The following CFAP58 variants were observed in gnomAD, a reference collection of about 807,000 sequenced individuals.
CFAP58 encodes the protein cilia- and flagella-associated protein 58.
CFAP58 carries 88 observed loss-of-function variants against 119.5 expected under a neutral mutation model. The observed-to-expected ratio is 0.74, with a 90% CI of 0.62 to 0.88. The LOEUF (loss-of-function observed/expected upper bound fraction) is 0.88. CFAP58 is among the 40% of genes least tolerant of loss of function. The probability of loss-of-function intolerance (pLI) is 0.00; values close to 1 mark genes in which losing one functional copy is unlikely to be tolerated. For missense variants in CFAP58, 990 were observed against 1,021.2 expected (o/e 0.97, Z 0.42); for synonymous variants, 365 against 366.3 (o/e 1.00, Z 0.04).
chr10:104,416,569 C>G (rs886253337), intron 15 of CFAP58, among the ~76,000 whole-genome samples: 1 of 152,034 alleles, frequency 6.6e-6, no homozygotes, highest in African/African-American at 2.4e-5. Flanking sequence ...GCAGAGGGAA[C>G]AAACCTCATA....
rs111430691 is a variant in CFAP58 at position 104,403,214 on chromosome 10, C to T, written c.2040-515C>T. The stretch of plus-strand genomic sequence containing the variant: ...GTAGTGATGTAGTGAATAAGTCTCA[C>T]GAGATCTGATGGTTTTTATAACTGG... On this transcript the variant is annotated intron_variant, in intron 13 of 17. Coordinates refer to ENST00000369704, the MANE Select transcript of CFAP58 (RefSeq NM_001008723.2). 5.9e-3 allele frequency among the ~76,000 whole-genome samples: 895 copies of T among 152,224 alleles called. 4 individuals are homozygous for T. Among genetic ancestry groups the T allele is most frequent in the Admixed American group, 9.5e-3 (145 of 15,296 alleles).
In CFAP58 at chr10:104,384,119, T is replaced by G. The variant is rs1389038489; in HGVS notation, c.1365+3899T>G. 2.0e-5 allele frequency among the ~76,000 whole-genome samples: 3 copies of G among 152,328 alleles called. No homozygotes were observed. The East Asian group carries it at 5.8e-4, about 29-fold the overall frequency. On this transcript the variant is annotated intron_variant, in intron 9 of 17. Coordinates refer to ENST00000369704, the MANE Select transcript of CFAP58 (RefSeq NM_001008723.2). Reference sequence around the variant, plus strand: ...GTATTATGTAGCTGTTAAAATCATGTGTTTGCAAATTATTTTTAAAGATGG... The same window carrying G: ...GTATTATGTAGCTGTTAAAATCATGGGTTTGCAAATTATTTTTAAAGATGG...
the CFAP58 span, among the ~76,000 whole-genome samples, chr10:104,344,126 C>T: frequency 2.0e-5 from 3 of 152,252 alleles, no homozygotes; most frequent in Admixed American, 6.5e-5. Flanking sequence ...AATTTTCCAT[C>T]TACATATGCC....
At position 104,370,984 on chromosome 10, in the gene CFAP58, C is replaced by G. The variant is rs755863558; in HGVS notation, c.1020C>G (p.Thr340=). The change falls in exon 7 of 18, where the codon ACC becomes ACG. Residue 340 remains threonine, a synonymous_variant. Coordinates refer to ENST00000369704, the MANE Select transcript of CFAP58 (RefSeq NM_001008723.2). The stretch of plus-strand genomic sequence containing the variant: ...AAATTCATAAGAAATTGCACCACAC[C>G]GAAGATCAAAAGGCAGAAGTCGAAC... ...REQIHKKLHH[T]EDQKAEVEQH... is the part of the protein sequence containing the mutation. 1.2e-6 allele frequency: 2 copies of G among 1,613,258 alleles called. No individual in the cohort carries two copies. The highest frequency in any genetic ancestry group is 4.5e-5 in the East Asian group (2 of 44,838).
At chr10:104,387,717 A>G (rs1423333791) in intron 9 of CFAP58, among the ~76,000 whole-genome samples, 1 of 151,990 alleles carries the variant, frequency 6.6e-6, no homozygotes, top group Non-Finnish European at 1.5e-5. Flanking sequence ...AGATAAAACC[A>G]CTCCTAGTAA....
At chr10:104,366,902 C>CT (rs1442765772) in intron 5 of CFAP58, among the ~76,000 whole-genome samples, 132 of 151,964 alleles carry the variant, frequency 8.7e-4, no homozygotes, top group Non-Finnish European at 4.1e-4. Flanking sequence ...TGGAGTCTCT[C>CT]TGTCACCCAG....
chr10:104,347,657 G>A, the CFAP58 span, among the ~76,000 whole-genome samples: 1 of 152,080 alleles, frequency 6.6e-6, no homozygotes, highest in Non-Finnish European at 1.5e-5. Flanking sequence ...TGTGCAAACA[G>A]GATCTGTGTT....
At chr10:104,434,417 T>C (rs1415508424) in intron 15 of CFAP58, among the ~76,000 whole-genome samples, 2 of 152,150 alleles carry the variant, frequency 1.3e-5, no homozygotes, top group Non-Finnish European at 2.9e-5. Flanking sequence ...TCAATGAGCA[T>C]AGTGTAGGAG....
chr10:104,401,625 T>C (rs976306752), intron 13 of CFAP58, among the ~76,000 whole-genome samples: 3 of 152,224 alleles, frequency 2.0e-5, no homozygotes, highest in Admixed American at 6.5e-5. Flanking sequence ...TCCTTGACCA[T>C]CTTGGAATAA....
At chr10:104,361,071 C>T (rs1430308692) in intron 2 of CFAP58, among the ~76,000 whole-genome samples, 3 of 152,196 alleles carry the variant, frequency 2.0e-5, no homozygotes, top group African/African-American at 7.2e-5. Context: ...TCCCACCAGG[C>T]CCCACCTCCA....
At chr10:104,373,192 A>T (rs1051645503) in intron 7 of CFAP58, among the ~76,000 whole-genome samples, 5 of 152,198 alleles carry the variant, frequency 3.3e-5, no homozygotes, top group Non-Finnish European at 5.9e-5. Context: ...TCTATATATT[A>T]AAAAAAGCCA....
chr10:104,379,974 C>T, intron 8 of CFAP58, 55 bp from the exon 9 acceptor site: 3 of 1,492,946 alleles, frequency 2.0e-6, no homozygotes, highest in Non-Finnish European at 2.7e-6. Flanking sequence ...GTAAACTTAA[C>T]CCCAAATCCT....
intron 15 of CFAP58, among the ~76,000 whole-genome samples, chr10:104,415,483 A>G (rs2012536686): frequency 6.6e-6 from 1 of 152,156 alleles, no homozygotes; most frequent in South Asian, 2.1e-4. Flanking sequence ...GCTGCTTCCA[A>G]AGGCAGACTG....
chr10:104,371,264 G>A (rs2014820534), intron 7 of CFAP58, among the ~76,000 whole-genome samples: 1 of 152,070 alleles, frequency 6.6e-6, no homozygotes, highest in African/African-American at 2.4e-5. Context: ...TCTTCCACAG[G>A]TTCCATTGGC....
chr10:104,455,086 AAG>A lies in CFAP58; in HGVS notation c.*558_*559del, dbSNP rs1367705096. The A allele has an allele frequency of 6.6e-6, 1 of 152,226 alleles. No individual in the cohort carries two copies. Among genetic ancestry groups the A allele is most frequent in the African/African-American group, 2.4e-5 (1 of 41,450 alleles). The allele number at this position is 152,226 out of a possible 1,614,324, so 9.4% of individuals were successfully genotyped here. On this transcript the variant is annotated 3_prime_UTR_variant, in exon 18 of 18. Coordinates refer to ENST00000369704, the MANE Select transcript of CFAP58 (RefSeq NM_001008723.2). ...AAATACTTCATTATAAAAAATAAAA[AAG>A]AATCTTTGTAGAGATTTTGATACTT...
intron 15 of CFAP58, among the ~76,000 whole-genome samples, chr10:104,441,013 G>T (rs183589200): frequency 8.3e-4 from 126 of 152,114 alleles, no homozygotes; most frequent in African/African-American, 2.9e-3. Flanking sequence ...TTATTTTTTG[G>T]TGGGGAGTGG....
intron 15 of CFAP58, among the ~76,000 whole-genome samples, chr10:104,427,808 C>T (rs1043560191): frequency 1.3e-5 from 2 of 152,128 alleles, no homozygotes; most frequent in Admixed American, 1.3e-4. Context: ...AGGGAGGACC[C>T]AGCCAGGTGG....
At chr10:104,438,345 TTTG>T (rs1355857238) in intron 15 of CFAP58, among the ~76,000 whole-genome samples, 685 of 68,350 alleles carry the variant, frequency 0.01, 19 homozygotes, top group African/African-American at 0.053. Flanking sequence ...TTTTTTGTTT[TTTG>T]TTTTTTTTTT....
At chr10:104,357,031 G>C (rs1235628724) in intron 1 of CFAP58, among the ~76,000 whole-genome samples, 1 of 152,118 alleles carries the variant, frequency 6.6e-6, no homozygotes, top group Non-Finnish European at 1.5e-5. Flanking sequence ...CCACAAACTG[G>C]GTGGCTTACT....
Sources: gnomAD v4.1 joint callset for allele counts (sites outside exome capture counted in the v4.1 genomes callset) on GRCh38, gnomAD v4.1.1 for gene constraint, MANE v1.5 for transcripts, NCBI Gene and HGNC (gene_info 2026-07-23, HGNC 2026-07-21) for gene names.